The following MCTP2 variants were observed in gnomAD, a reference collection of about 807,000 sequenced individuals.
MCTP2 encodes multiple C2 and transmembrane domain containing 2, also known as multiple C2 and transmembrane domain-containing protein 2.
Under a neutral mutation model 111.6 loss-of-function variants are expected in MCTP2, and 132 were observed. The observed-to-expected ratio is 1.18, with a 90% CI of 1.03 to 1.37. The LOEUF (loss-of-function observed/expected upper bound fraction) is 1.37. Ranked by LOEUF, MCTP2 falls within the 40% of genes most tolerant of loss-of-function variation. MCTP2 has a pLI of 0.00. For missense variants in MCTP2, 1,183 were observed against 1,067.9 expected, an observed-to-expected ratio of 1.11 and a Z score of -1.50; for synonymous variants, 395 against 387.7, an observed-to-expected ratio of 1.02 and a Z score of -0.22.
chr15:94,429,838 G>A (rs533505039), intron 17 of MCTP2, among the ~76,000 whole-genome samples: 67 of 152,066 alleles, frequency 4.4e-4, no homozygotes, highest in Non-Finnish European at 8.7e-4. Flanking sequence ...ACATCTAATT[G>A]GCACCTCATA....
intron 1 of MCTP2, among the ~76,000 whole-genome samples, chr15:94,271,850 T>A (rs184395359): frequency 1.8e-4 from 28 of 152,334 alleles, no homozygotes; most frequent in Admixed American, 1.5e-3. Context: ...TTTCTGTTGT[T>A]CTAAATTAGT....
At chr15:94,475,407 A>G (rs2074270205) in intron 21 of MCTP2, among the ~76,000 whole-genome samples, 1 of 152,310 alleles carries the variant, frequency 6.6e-6, no homozygotes, top group South Asian at 2.1e-4. Flanking sequence ...GGAGGTTGGC[A>G]TTGTGTCAGG....
At chr15:94,427,044 T>A (rs1269638226) in intron 17 of MCTP2, among the ~76,000 whole-genome samples, 1 of 152,282 alleles carries the variant, frequency 6.6e-6, no homozygotes, top group East Asian at 1.9e-4. Context: ...GGTCTTAACC[T>A]TCATCCTAAG....
chr15:94,355,928 TCACTATATTATTAC>T (rs2078596214), intron 8 of MCTP2, 195 bp from the exon 9 acceptor site: 1 of 1,171,622 alleles, frequency 8.5e-7, no homozygotes, highest in African/African-American at 1.6e-5. Flanking sequence ...TACTCATCCT[TCACTATATTATTAC>T]CACTCCAAAG....
intron 1 of MCTP2, among the ~76,000 whole-genome samples, chr15:94,256,125 G>T (rs2072753766): frequency 6.6e-6 from 1 of 152,106 alleles, no homozygotes; most frequent in African/African-American, 2.4e-5. Flanking sequence ...AATGACACAG[G>T]TGGAAAATTC....
intron 1 of MCTP2, among the ~76,000 whole-genome samples, chr15:94,243,141 A>T (rs1188941005): frequency 1.4e-5 from 2 of 146,998 alleles, no homozygotes; most frequent in Admixed American, 1.3e-4. Flanking sequence ...GGGTGTGGAT[A>T]TATTTATATA....
intron 14 of MCTP2, among the ~76,000 whole-genome samples, chr15:94,388,051 G>A (rs1273483159): frequency 6.6e-6 from 1 of 152,218 alleles, no homozygotes; most frequent in Non-Finnish European, 1.5e-5. Context: ...GAGCTGGAGA[G>A]GACCCTGGAG....
At chr15:94,345,268 CAG>C in intron 8 of MCTP2, 104 bp downstream of exon 8, 1 of 1,150,190 alleles carries the variant, frequency 8.7e-7, no homozygotes, top group Non-Finnish European at 1.3e-6. Flanking sequence ...TTACATCAAA[CAG>C]AATTCTTTTC....
intron 17 of MCTP2, among the ~76,000 whole-genome samples, chr15:94,410,795 A>G (rs1197330174): frequency 6.6e-6 from 1 of 152,262 alleles, no homozygotes. Context: ...AGTGAAAATC[A>G]TCTGTTACCA....
At position 94,480,999 on chromosome 15, in the gene MCTP2, G is replaced by A. The variant is rs2074698066; in HGVS notation, c.*1965G>A. On this transcript the variant is annotated 3_prime_UTR_variant, in exon 23 of 23. Transcript: ENST00000357742. ...AAAACAATTGTTAGTTGATTAAGTA[G>A]ACATTGGATGTTTGTTAGAAAGGAA... is the stretch of plus-strand genomic sequence containing the variant. 1 of 152,134 alleles carries A rather than the reference G, an allele frequency of 6.6e-6. No homozygotes were observed. The highest frequency in any genetic ancestry group is 2.1e-4 in the South Asian group (1 of 4,834). 9.4% of individuals were successfully genotyped at this position (152,134 alleles called of 1,614,324 possible).
intron 1 of MCTP2, among the ~76,000 whole-genome samples, chr15:94,268,907 C>T (rs890109301): frequency 1.3e-5 from 2 of 151,734 alleles, no homozygotes; most frequent in South Asian, 2.1e-4. Flanking sequence ...GCATGTTTGC[C>T]AGATTTCCAC....
intron 1 of MCTP2, among the ~76,000 whole-genome samples, chr15:94,237,918 T>C (rs193301567): frequency 9.3e-4 from 141 of 152,264 alleles, no homozygotes; most frequent in African/African-American, 2.3e-3. Flanking sequence ...ACTCAACCAA[T>C]TGTCAATCAG....
intron 12 of MCTP2, among the ~76,000 whole-genome samples, chr15:94,373,196 C>T (rs879803595): frequency 2.0e-4 from 31 of 152,216 alleles, no homozygotes; most frequent in Admixed American, 1.8e-3. Context: ...ATTCAAGCCA[C>T]GGGAATCAAA....
At chr15:94,442,894 A>G (rs1596726781) in intron 18 of MCTP2, 25 bp from the exon 19 acceptor site, 5 of 1,609,334 alleles carry the variant, frequency 3.1e-6, no homozygotes, top group African/African-American at 1.3e-5. Flanking sequence ...TGATGTTTCT[A>G]TAAACACGTG....
At chr15:94,289,385 G>T (rs1364166954) in intron 1 of MCTP2, among the ~76,000 whole-genome samples, 1 of 152,110 alleles carries the variant, frequency 6.6e-6, no homozygotes, top group Non-Finnish European at 1.5e-5. Context: ...ATATCCTTCA[G>T]AAATGAAGGT....
intron 1 of MCTP2, among the ~76,000 whole-genome samples, chr15:94,244,901 C>T (rs1238030069): frequency 2.0e-5 from 3 of 146,750 alleles, no homozygotes; most frequent in Non-Finnish European, 4.5e-5. Flanking sequence ...TATACACATA[C>T]ATATGCACCT....
chr15:94,416,534 G>A (rs2082387465), intron 17 of MCTP2, among the ~76,000 whole-genome samples: 1 of 152,046 alleles, frequency 6.6e-6, no homozygotes, highest in Non-Finnish European at 1.5e-5. Context: ...CACACTGTTG[G>A]TAGATTACAC....
intron 10 of MCTP2, among the ~76,000 whole-genome samples, chr15:94,362,484 G>A (rs1469926889): frequency 6.6e-6 from 1 of 152,164 alleles, no homozygotes; most frequent in African/African-American, 2.4e-5. Context: ...GTATAAAGCA[G>A]CTCTGACATT....
At chr15:94,278,976 G>A (rs1379460551) in intron 1 of MCTP2, among the ~76,000 whole-genome samples, 1 of 152,104 alleles carries the variant, frequency 6.6e-6, no homozygotes, top group Non-Finnish European at 1.5e-5. Flanking sequence ...ATTGGTCTGT[G>A]TGTCTGTTTT....
Sources: allele counts gnomAD v4.1 joint callset (sites outside exome capture counted in the v4.1 genomes callset), GRCh38; gene constraint gnomAD v4.1.1; transcripts MANE v1.5; gene names NCBI Gene and HGNC (gene_info 2026-07-23, HGNC 2026-07-21).